SGTB: variants seen among roughly 807,000 people sequenced by gnomAD.
SGTB encodes the protein small glutamine rich tetratricopeptide repeat co-chaperone beta.
A neutral mutation model predicts 43.9 loss-of-function variants in SGTB; 19 were observed. The observed-to-expected ratio is 0.43, with a 90% CI of 0.30 to 0.63. The LOEUF (loss-of-function observed/expected upper bound fraction) is 0.63. SGTB is among the 30% of genes least tolerant of loss of function. The pLI is 0.12. For missense variants in SGTB, 304 were observed against 358.9 expected, an observed-to-expected ratio of 0.85 and a Z score of 1.24; for synonymous variants, 116 against 117.3, an observed-to-expected ratio of 0.99 and a Z score of 0.07.
Position 65,670,338 on chromosome 5 carries a change from G to C in SGTB, c.823C>G (p.Gln275Glu). The C allele has an allele frequency of 2.5e-6, 4 of 1,614,104 alleles. No homozygotes were observed. Among genetic ancestry groups the C allele is most frequent in the Non-Finnish European group, 3.4e-6 (4 of 1,179,962 alleles). Residue 275 changes from glutamine (Q) to glutamate (E), a missense_variant, in exon 11 of 11, where the codon CAG (glutamine) becomes GAG (glutamate). By Grantham distance (29) the Gln-to-Glu change is conservative (BLOSUM62 2). Transcript: ENST00000381007. ...AGTTCAGGATTTTGTTGCTGTATCT[G>C]CTGAGCAAACTGCTGTCCCCTGTAG... ...LIQAGQQFAQQIQQQNPELIE... is the reference protein window; with the variant it reads ...LIQAGQQFAQEIQQQNPELIE...
chr5:65,706,692 C>T (rs1296210705), intron 4 of SGTB, among the ~76,000 whole-genome samples: 2 of 150,860 alleles, frequency 1.3e-5, no homozygotes, highest in Non-Finnish European at 2.9e-5. Flanking sequence ...ATTAGCTGGG[C>T]GTGGTGGCAC....
At chr5:65,702,209 C>A (rs564805862) in intron 5 of SGTB, among the ~76,000 whole-genome samples, 32 of 152,136 alleles carry the variant, frequency 2.1e-4, no homozygotes, top group Non-Finnish European at 3.5e-4. Flanking sequence ...GAAGCCACTA[C>A]CATCCCTAAG....
chr5:65,680,255 G>A (rs573000645), intron 8 of SGTB, among the ~76,000 whole-genome samples: 13 of 152,272 alleles, frequency 8.5e-5, no homozygotes, highest in Admixed American at 2.0e-4. Flanking sequence ...GGGAGGATCT[G>A]TGCAGCAAAC....
intron 10 of SGTB, among the ~76,000 whole-genome samples, chr5:65,671,475 A>G (rs1318628351): frequency 3.3e-5 from 5 of 152,172 alleles, no homozygotes; most frequent in East Asian, 1.9e-4. Flanking sequence ...TTAGTAAGTC[A>G]CTAACCTGTA....
rs145766280 is a variant in SGTB, at chr5:65,678,238, G to C, written c.681+2256C>G. Among the ~76,000 whole-genome samples, 54 of 152,214 alleles carry C rather than the reference G, an allele frequency of 3.5e-4. 2 individuals carry two copies. In the East Asian group the frequency reaches 0.01, roughly 29 times the overall value. On this transcript the variant is annotated intron_variant, in intron 8 of 10. Transcript: ENST00000381007. ...CGAAAGTCAAATCACAAATGAACTC[G>C]CATTCACAATTGCCATAAAAAGAAT...
upstream of SGTB, chr5:65,722,148 C>T (rs986725569): frequency 3.3e-5 from 7 of 214,650 alleles, no homozygotes; most frequent in African/African-American, 1.6e-4. Context: ...GACGCGAGGG[C>T]TGGGGCGGGG....
At chr5:65,708,760 G>A (rs1045325657) in intron 3 of SGTB, among the ~76,000 whole-genome samples, 8 of 151,822 alleles carry the variant, frequency 5.3e-5, no homozygotes, top group African/African-American at 1.9e-4. Context: ...GAATATCTGT[G>A]ACTGGGCGTG....
chr5:65,680,662 G>A lies in SGTB; in HGVS notation c.612C>T (p.Ser204=). The part of the protein sequence containing the change: ...KIAEQKLREV[S]SPTGTGLSFD... ...TTTGGCATTAACAACTTACAGGACT[G>A]GATACCTCTCTTAACTTCTGTTCTG... The change falls in exon 7 of 11, where the codon TCC becomes TCT. Residue 204 remains serine (S), a synonymous_variant. Transcript: ENST00000381007. 4 of 1,613,956 alleles carry A rather than the reference G, an allele frequency of 2.5e-6. No homozygotes were observed. Among genetic ancestry groups the A allele is most frequent in the Non-Finnish European group, 3.4e-6 (4 of 1,179,978 alleles).
intron 2 of SGTB, among the ~76,000 whole-genome samples, chr5:65,717,360 T>C (rs1188214990): frequency 2.0e-5 from 3 of 152,038 alleles, no homozygotes; most frequent in Non-Finnish European, 4.4e-5. Context: ...TAATGGTAAG[T>C]TTATATGATG....
At chr5:65,705,386 G>A (rs1757910535) in intron 4 of SGTB, among the ~76,000 whole-genome samples, 1 of 152,162 alleles carries the variant, frequency 6.6e-6, no homozygotes, top group African/African-American at 2.4e-5. Flanking sequence ...TCAGGAGGTT[G>A]AAGCTGCAGT....
At chr5:65,699,170 T>C (rs1253209055) in intron 5 of SGTB, among the ~76,000 whole-genome samples, 2 of 152,192 alleles carry the variant, frequency 1.3e-5, no homozygotes, top group African/African-American at 4.8e-5. Context: ...GAAGATGTGG[T>C]ATATATGTAT....
At chr5:65,684,348 T>C (rs977824361) in intron 6 of SGTB, among the ~76,000 whole-genome samples, 1 of 152,072 alleles carries the variant, frequency 6.6e-6, no homozygotes, top group Non-Finnish European at 1.5e-5. Flanking sequence ...CCTCCCAAAA[T>C]GCTGGGATTA....
chr5:65,707,504 G>A (rs1413065317), intron 4 of SGTB, among the ~76,000 whole-genome samples: 3 of 148,182 alleles, frequency 2.0e-5, no homozygotes, highest in African/African-American at 7.5e-5. Flanking sequence ...GCGTGATCTC[G>A]GCTCACTGCA....
At chr5:65,704,612 C>G (rs1019759846) in intron 4 of SGTB, among the ~76,000 whole-genome samples, 1 of 152,044 alleles carries the variant, frequency 6.6e-6, no homozygotes, top group African/African-American at 2.4e-5. Context: ...GTTTATATAC[C>G]TTATAAAATC....
chr5:65,691,787 C>T (rs1356824319), intron 5 of SGTB, among the ~76,000 whole-genome samples: 1 of 151,300 alleles, frequency 6.6e-6, no homozygotes, highest in Non-Finnish European at 1.5e-5. Flanking sequence ...AAAAATTAGC[C>T]GGGCGTGGTG....
At chr5:65,707,897 T>A (rs1757967744) in intron 4 of SGTB, among the ~76,000 whole-genome samples, 2 of 152,226 alleles carry the variant, frequency 1.3e-5, no homozygotes, top group African/African-American at 4.8e-5. Context: ...GACTATACCC[T>A]AAAGCTTTGT....
intron 6 of SGTB, among the ~76,000 whole-genome samples, chr5:65,681,467 G>A (rs1477615172): frequency 1.3e-5 from 2 of 152,104 alleles, no homozygotes; most frequent in African/African-American, 2.4e-5. Flanking sequence ...TGGTGACATA[G>A]TATTAGGGGT....
chr5:65,681,822 A>G (rs1757403471), intron 6 of SGTB, among the ~76,000 whole-genome samples: 1 of 152,054 alleles, frequency 6.6e-6, no homozygotes, highest in African/African-American at 2.4e-5. Context: ...TAAAAATACA[A>G]AAATTAGCCA....
At chr5:65,713,124 T>C in intron 2 of SGTB, 60 bp from the exon 3 acceptor site, 1 of 1,287,704 alleles carries the variant, frequency 7.8e-7, no homozygotes, top group East Asian at 2.4e-5. Flanking sequence ...AACAAGTTTT[T>C]TTTTTCTGAT....
Sources: allele counts gnomAD v4.1 joint callset (sites outside exome capture counted in the v4.1 genomes callset), GRCh38; gene constraint gnomAD v4.1.1; transcripts MANE v1.5; gene names NCBI Gene and HGNC (gene_info 2026-07-23, HGNC 2026-07-21).